SPEN: variants seen among roughly 807,000 people sequenced by gnomAD.
The protein encoded by SPEN is spen family transcriptional repressor.
Under a neutral mutation model 269.9 loss-of-function variants are expected in SPEN, and 18 were observed. That is an observed-to-expected ratio of 0.07 (90% CI 0.05 to 0.10). The LOEUF is 0.10. Among genes scored for constraint, SPEN ranks in the 10% least tolerant of loss-of-function variants. The pLI is 1.00. For missense variants in SPEN, 3,822 were observed against 4,631.2 expected (o/e 0.83, Z 5.07); for synonymous variants, 1,726 against 1,765.7 (o/e 0.98, Z 0.56).
In SPEN at chr1:15,873,852, G is replaced by A. The variant is rs934692794; in HGVS notation, c.404+716G>A. ...TTCTAATTGCTGGGATATATGGGAT[G>A]TCTTGCTGTCAAGATTCCACTAGCC... On this transcript the variant is annotated intron_variant, in intron 2 of 14. Transcript: ENST00000375759. 8.4e-6 allele frequency: 9 copies of A among 1,073,502 alleles called. No individual in the cohort carries two copies. The African/African-American group carries it at 1.2e-4, about 14-fold the overall frequency. The allele number at this position is 1,073,502 out of a possible 1,614,324, so 66.5% of individuals were successfully genotyped here. A position where few individuals can be genotyped will look rare whatever the true frequency, so the allele number is the denominator to read the frequency against.
Position 15,920,882 on chromosome 1 carries a change from C to T in SPEN, c.1648C>T (p.Arg550Cys), listed in dbSNP as rs748683309. The change falls in exon 9 of 15, where the codon CGC (arginine) becomes TGC (cysteine). Residue 550 changes from arginine (R) to cysteine (C), a missense_variant. By Grantham distance (180) the Arg-to-Cys change is radical (BLOSUM62 -3). Around this residue, in one of 16 missense-constraint regions of SPEN, gnomAD observed 230 missense variants for 426.1 expected, o/e 0.54. Transcript: ENST00000375759. Reference protein sequence around the residue: ...YGPVVKVVFDRLKGMALVLYN... With the variant: ...YGPVVKVVFDCLKGMALVLYN... ...GTTTGTTTTACAGGTGGTGTTTGAC[C>T]GCTTAAAAGGCATGGCCCTGGTTCT... The T allele has an allele frequency of 1.8e-5, 29 of 1,602,298 alleles. No homozygotes were observed. The highest frequency in any genetic ancestry group is 3.5e-5 in the Admixed American group (2 of 57,690).
chr1:15,914,184 G>T (rs2071035831), intron 5 of SPEN, among the ~76,000 whole-genome samples: 1 of 152,134 alleles, frequency 6.6e-6, no homozygotes, highest in African/African-American at 2.4e-5. Flanking sequence ...TGATCGAAAG[G>T]GGTAACATTA....
At chr1:15,878,649 T>C (rs935485051) in intron 3 of SPEN, among the ~76,000 whole-genome samples, 9 of 152,320 alleles carry the variant, frequency 5.9e-5, no homozygotes, top group African/African-American at 1.9e-4. Context: ...GTTTTAGTCA[T>C]TTTCCATAAA....
chr1:15,907,142 T>A (rs1378205093), intron 3 of SPEN, among the ~76,000 whole-genome samples: 1 of 152,162 alleles, frequency 6.6e-6, no homozygotes, highest in Admixed American at 6.5e-5. Context: ...TCTAGAAACA[T>A]CTTTAGTTTT....
At chr1:15,898,663 G>T (rs1315296538) in intron 3 of SPEN, among the ~76,000 whole-genome samples, 1 of 150,434 alleles carries the variant, frequency 6.6e-6, no homozygotes, top group Non-Finnish European at 1.5e-5. Flanking sequence ...AGGCTCAAGC[G>T]ATTCTCCTGC....
chr1:15,936,243 T>G lies in SPEN; in HGVS notation c.10003T>G (p.Ser3335Ala). The G allele has an allele frequency of 6.4e-7, 1 of 1,554,010 alleles. No homozygotes were observed. The highest frequency in any genetic ancestry group is 8.8e-7 in the Non-Finnish European group (1 of 1,142,218). ...CGCCGCTTCCTCTGTTGGCCTGCCT[T>G]CCCGGACCAAGACAGCTGCTCAGGT... ...FPAASSVGLP[S>A]RTKTAAQGPP... Residue 3335 changes from serine to alanine, a missense_variant, in exon 11 of 15, where the codon TCC becomes GCC. By Grantham distance (99) the Ser-to-Ala change is moderately conservative. Around this residue, in one of 16 missense-constraint regions of SPEN, gnomAD observed 359 missense variants for 377.3 expected, o/e 0.95. Transcript: ENST00000375759.
rs1217897736 is a variant in SPEN, at chr1:15,933,256, G to T, written c.7016G>T (p.Arg2339Leu). The change falls in exon 11 of 15, where the codon CGC becomes CTC. Residue 2339 changes from arginine to leucine, a missense_variant. By Grantham distance (102) the Arg-to-Leu change is moderately radical. This residue lies in a region of SPEN where 727 missense variants were observed against 737.9 expected (regional missense o/e 0.99). Coordinates refer to ENST00000375759, the MANE Select transcript of SPEN (RefSeq NM_015001.3). This position sits in a 1 kb window ranked among gnomAD's most constrained non-coding sequence, Gnocchi z 5.7. ...GGGCGCCAGAAAACAACCCGATCAC[G>T]CCGCAAGCGAAACACAAACAAGAAA... ...DKGRQKTTRS[R>L]RKRNTNKKVV... The T allele has an allele frequency of 2.5e-6, 4 of 1,614,004 alleles. No individual in the cohort carries two copies. The highest frequency in any genetic ancestry group is 3.4e-6 in the Non-Finnish European group (4 of 1,180,048).
rs1441815159 is a variant in SPEN at position 15,892,819 on chromosome 1, C to T, written c.881+16141C>T. ...TTAAAATTTAAAAAACAACTTTGGGCGGGGCACGGTGGCTCACGTCTGTAA... is the reference window on the plus strand; with the variant it reads ...TTAAAATTTAAAAAACAACTTTGGGTGGGGCACGGTGGCTCACGTCTGTAA... On this transcript the variant is annotated intron_variant, in intron 3 of 14. Coordinates refer to ENST00000375759, the MANE Select transcript of SPEN (RefSeq NM_015001.3). 7.2e-5 allele frequency among the ~76,000 whole-genome samples: 11 copies of T among 152,020 alleles called. No individual in the cohort carries two copies. In the East Asian group the frequency reaches 1.2e-3, roughly 16 times the overall value.
At chr1:15,915,476 G>A (rs1161622143) in intron 5 of SPEN, among the ~76,000 whole-genome samples, 1 of 152,178 alleles carries the variant, frequency 6.6e-6, no homozygotes, top group East Asian at 1.9e-4. Context: ...GTGGCAGAGC[G>A]AGACTCTGTC....
chr1:15,936,642 C>CAAA (rs60059470), intron 11 of SPEN, among the ~76,000 whole-genome samples: 1 of 123,788 alleles, frequency 8.1e-6, no homozygotes. Flanking sequence ...GACCCAGTCT[C>CAAA]AAAAAAAAAA....
intron 3 of SPEN, among the ~76,000 whole-genome samples, chr1:15,885,095 A>G (rs2070724644): frequency 6.6e-6 from 1 of 152,248 alleles, no homozygotes; most frequent in African/African-American, 2.4e-5. Context: ...GGTGATGATC[A>G]TAGAAACAAA....
chr1:15,848,023 G>C lies in SPEN; in HGVS notation c.-45G>C, dbSNP rs747516357. On this transcript the variant is annotated 5_prime_UTR_variant, in exon 1 of 15. Coordinates refer to ENST00000375759, the MANE Select transcript of SPEN (RefSeq NM_015001.3). The surrounding 1 kb of genome is among the most constrained non-coding windows in gnomAD (Gnocchi z 5.1). ...GGCGCTGACGGTCTCGTACGAAGCC[G>C]GCGAGGGGGAGCCAGCAGCGGCGGT... is the stretch of plus-strand genomic sequence containing the variant. 1 of 1,331,880 alleles carries C rather than the reference G, an allele frequency of 7.5e-7. No homozygotes were observed. The highest frequency in any genetic ancestry group is 2.6e-5 in the Admixed American group (1 of 38,222). The allele number at this position is 1,331,880 out of a possible 1,614,324, so 82.5% of individuals were successfully genotyped here.
chr1:15,896,493 G>A (rs940028135), intron 3 of SPEN, among the ~76,000 whole-genome samples: 1 of 152,040 alleles, frequency 6.6e-6, no homozygotes, highest in Non-Finnish European at 1.5e-5. Context: ...ACTATGCCCA[G>A]CCTTTACCAT....
intron 3 of SPEN, among the ~76,000 whole-genome samples, chr1:15,880,677 G>A (rs1443229601): frequency 2.6e-5 from 4 of 151,662 alleles, no homozygotes; most frequent in Non-Finnish European, 5.9e-5. Flanking sequence ...GGCTGGTCTC[G>A]AACTCCTGAC....
intron 1 of SPEN, among the ~76,000 whole-genome samples, chr1:15,849,052 CTTA>C (rs1442157776): frequency 6.6e-6 from 1 of 152,082 alleles, no homozygotes; most frequent in Non-Finnish European, 1.5e-5. Context: ...GTTGATACAT[CTTA>C]TTGAGTAGCG....
chr1:15,928,255 G>C lies in SPEN; in HGVS notation c.2015G>C (p.Arg672Pro). The C allele has an allele frequency of 6.2e-7, 1 of 1,614,124 alleles. No homozygotes were observed. The highest frequency in any genetic ancestry group is 8.5e-7 in the Non-Finnish European group (1 of 1,180,026). ...TACCAAGGAGACTACTATGAATCAC[G>C]ATACTACGATGATCCTCGGGAATAC... ...ETYQGDYYES[R>P]YYDDPREYRD... The change falls in exon 11 of 15, where the codon CGA becomes CCA. Residue 672 changes from arginine (R) to proline (P), a missense_variant. This residue lies in a region of SPEN where 572 missense variants were observed against 582.6 expected (regional missense o/e 0.98). Transcript: ENST00000375759. This position sits in a 1 kb window ranked among gnomAD's most constrained non-coding sequence, Gnocchi z 5.7.
In SPEN at chr1:15,928,262, C is replaced by T. The variant is rs554407489; in HGVS notation, c.2022C>T (p.Tyr674=). 1.0e-4 allele frequency: 167 copies of T among 1,614,038 alleles called. 1 individual carries two copies. The South Asian group carries it at 1.6e-3, about 16-fold the overall frequency. Residue 674 remains tyrosine, a synonymous_variant, in exon 11 of 15, where the codon TAC becomes TAT. Transcript: ENST00000375759. The surrounding 1 kb of genome is among the most constrained non-coding windows in gnomAD (Gnocchi z 5.7). The part of the protein sequence containing the change: ...YQGDYYESRY[Y]DDPREYRDYR... ...GAGACTACTATGAATCACGATACTA[C>T]GATGATCCTCGGGAATACAGGGATT... is the stretch of plus-strand genomic sequence containing the variant.
chr1:15,925,319 T>G (rs1489929650), intron 10 of SPEN, among the ~76,000 whole-genome samples: 1 of 152,198 alleles, frequency 6.6e-6, no homozygotes, highest in Non-Finnish European at 1.5e-5. Flanking sequence ...TTATGGCACT[T>G]TGGATACTCT....
chr1:15,912,179 T>G (rs903667810), intron 5 of SPEN, among the ~76,000 whole-genome samples: 6 of 152,190 alleles, frequency 3.9e-5, no homozygotes, highest in Admixed American at 3.9e-4. Flanking sequence ...TGGAACCTGT[T>G]ATAAGGCAGG....
Sources: allele counts gnomAD v4.1 joint callset (sites outside exome capture counted in the v4.1 genomes callset), GRCh38; gene constraint gnomAD v4.1.1; regional missense constraint gnomAD v4.1.1; non-coding constraint Gnocchi (gnomAD v3.1); transcripts MANE v1.5; gene names NCBI Gene and HGNC (gene_info 2026-07-23, HGNC 2026-07-21).